The following CEP250 variants were observed in gnomAD, a reference collection of about 807,000 sequenced individuals.
CEP250 encodes centrosomal protein 250, also known as centrosome-associated protein CEP250.
Under a neutral mutation model 315.7 loss-of-function variants are expected in CEP250, and 242 were observed. That is an observed-to-expected ratio of 0.77 (90% confidence interval 0.69 to 0.85). The LOEUF (loss-of-function observed/expected upper bound fraction) is 0.85, where lower values mean the gene tolerates loss of function less well. CEP250 is among the 40% of genes least tolerant of loss of function. CEP250 has a pLI of 0.00. For missense variants in CEP250, 2,515 were observed against 2,886.4 expected, an observed-to-expected ratio of 0.87 and a Z score of 2.95; for synonymous variants, 1,088 against 1,175.0, an observed-to-expected ratio of 0.93 and a Z score of 1.51.
At position 35,513,522 on chromosome 20, in the gene CEP250, T is replaced by C. The variant is rs554712579; in HGVS notation, c.*1896T>C. The C allele has an allele frequency of 1.3e-5, 2 of 152,282 alleles. No homozygotes were observed. Among genetic ancestry groups the C allele is most frequent in the South Asian group, 2.1e-4 (1 of 4,824 alleles). The allele number at this position is 152,282 out of a possible 1,614,324, so 9.4% of individuals were successfully genotyped here. A position where few individuals can be genotyped will look rare whatever the true frequency, so the allele number is the denominator to read the frequency against. Reference sequence around the variant, plus strand: ...ATCCACCCACCTCGGCCTCCCAAAATGTTGGGATTACGGGCATGAGCCACC... The same window carrying C: ...ATCCACCCACCTCGGCCTCCCAAAACGTTGGGATTACGGGCATGAGCCACC... On this transcript the variant is annotated 3_prime_UTR_variant, in exon 35 of 35. Coordinates refer to ENST00000397527, the MANE Select transcript of CEP250 (RefSeq NM_007186.6).
rs61729985 is a variant in CEP250 at position 35,504,727 on chromosome 20, A to G, written c.6358A>G (p.Asn2120Asp). The change falls in exon 30 of 35, where the codon AAC becomes GAC. Residue 2120 changes from asparagine to aspartate, a missense_variant. Asn to Asp is a conservative substitution (Grantham distance 23, BLOSUM62 1). Coordinates refer to ENST00000397527, the MANE Select transcript of CEP250 (RefSeq NM_007186.6). ...ILELRETQQRNNLEALPHSHK... is the reference protein window; with the variant it reads ...ILELRETQQRDNLEALPHSHK... ...GGAGCTGAGGGAGACCCAGCAAAGG[A>G]ACAACCTGGAAGCCTTACCCCACAG... 1,472 of 1,614,212 alleles carry G rather than the reference A, an allele frequency of 9.1e-4. 4 individuals carry two copies. In the African/African-American group the frequency reaches 0.018, roughly 20 times the overall value.
chr20:35,510,666 T>C (rs1568850518), intron 34 of CEP250, among the ~76,000 whole-genome samples: 1 of 152,248 alleles, frequency 6.6e-6, no homozygotes, highest in Non-Finnish European at 1.5e-5. Flanking sequence ...GCTATTACTT[T>C]GAATTCTATT....
chr20:35,459,906 C>T (rs1179113456), intron 2 of CEP250, 77 bp from the exon 3 acceptor site: 1 of 152,108 alleles, frequency 6.6e-6, no homozygotes, highest in Non-Finnish European at 1.5e-5. Context: ...TGCAAAAGCC[C>T]GGCTCAGCCC....
chr20:35,513,648 C>G lies in CEP250; in HGVS notation c.*2022C>G, dbSNP rs78282190. Reference sequence around the variant, plus strand: ...ATCCTCCAGCCCTGGTTCTCAGGCTCGGGCTGACAGAGGGTCCCTGTTTTT... The same window carrying G: ...ATCCTCCAGCCCTGGTTCTCAGGCTGGGGCTGACAGAGGGTCCCTGTTTTT... On this transcript the variant is annotated 3_prime_UTR_variant, in exon 35 of 35. Transcript: ENST00000397527. 6.6e-6 allele frequency: 1 copy of G among 152,210 alleles called. No individual in the cohort carries two copies. Among genetic ancestry groups the G allele is most frequent in the Non-Finnish European group, 1.5e-5 (1 of 68,050 alleles). The allele number at this position is 152,210 out of a possible 1,614,324, so 9.4% of individuals were successfully genotyped here.
chr20:35,467,833 C>G, intron 9 of CEP250, among the ~76,000 whole-genome samples: 1 of 152,162 alleles, frequency 6.6e-6, no homozygotes. Context: ...ATTCCCAGAA[C>G]AGCCAAGCTC....
At position 35,504,946 on chromosome 20, in the gene CEP250, G is replaced by T; in HGVS notation, c.6577G>T (p.Val2193Leu). Residue 2193 changes from valine (V) to leucine (L), a missense_variant, in exon 30 of 35, where the codon GTA becomes TTA. Coordinates refer to ENST00000397527, the MANE Select transcript of CEP250 (RefSeq NM_007186.6). ...GGCCAGTGTCAGCAGTCTGCAGGAG[G>T]TAGCCATGTTCCTACAAGCCTCTGT... is the stretch of plus-strand genomic sequence containing the variant. Reference protein sequence around the residue: ...TKASVSSLQEVAMFLQASVLE... With the variant: ...TKASVSSLQELAMFLQASVLE... The T allele has an allele frequency of 6.2e-7, 1 of 1,614,020 alleles. No homozygotes were observed.
chr20:35,480,678 C>T (rs1337472815), intron 20 of CEP250, among the ~76,000 whole-genome samples: 1 of 150,884 alleles, frequency 6.6e-6, no homozygotes, highest in East Asian at 1.9e-4. Context: ...CTGCAACCTC[C>T]GCCTCCTGGG....
At chr20:35,467,227 A>G in intron 8 of CEP250, 77 bp from the exon 9 acceptor site, 1 of 1,535,330 alleles carries the variant, frequency 6.5e-7, no homozygotes, top group Non-Finnish European at 8.9e-7. Flanking sequence ...CCTGCTCCTC[A>G]GGCTTCACTG....
intron 2 of CEP250, among the ~76,000 whole-genome samples, chr20:35,459,099 G>A (rs1289152917): frequency 6.7e-6 from 1 of 148,834 alleles, no homozygotes; most frequent in Non-Finnish European, 1.5e-5. Context: ...CCAAAGTGCT[G>A]GGATTACAGG....
intron 11 of CEP250, 47 bp downstream of exon 11, chr20:35,472,198 C>T (rs1453288968): frequency 1.5e-5 from 16 of 1,089,390 alleles, no homozygotes; most frequent in Non-Finnish European, 2.1e-5. Flanking sequence ...TGCCTCCACT[C>T]CCCAGGTCTC....
At position 35,517,090 on chromosome 20, in the gene CEP250, T is replaced by C; in HGVS notation, c.*5464T>C. On this transcript the variant is annotated 3_prime_UTR_variant, in exon 35 of 35. Transcript: ENST00000397527. The stretch of plus-strand genomic sequence containing the variant: ...CCCCTCTCCTGTTGGCCTCCATCCC[T>C]TCCTCAACCGTCCGCAGAACACCTC... 1.1e-6 allele frequency: 1 copy of C among 913,918 alleles called. No homozygotes were observed. The highest frequency in any genetic ancestry group is 1.3e-6 in the Non-Finnish European group (1 of 764,618). 56.6% of individuals were successfully genotyped at this position (913,918 alleles called of 1,614,324 possible).
At position 35,475,551 on chromosome 20, in the gene CEP250, G is replaced by A; in HGVS notation, c.1621G>A (p.Glu541Lys). The A allele has an allele frequency of 1.9e-6, 3 of 1,614,170 alleles. No individual in the cohort carries two copies. Among genetic ancestry groups the A allele is most frequent in the Non-Finnish European group, 2.5e-6 (3 of 1,180,026 alleles). The change falls in exon 15 of 35, where the codon GAA becomes AAA. Residue 541 changes from glutamate (E) to lysine (K), a missense_variant. By Grantham distance (56) the Glu-to-Lys change is moderately conservative. Coordinates refer to ENST00000397527, the MANE Select transcript of CEP250 (RefSeq NM_007186.6). ...AGCCAAACAGTCAGAATCACTCAGT[G>A]AACTGATCACTCTTCGGGAAGCCCT... Reference protein sequence around the residue: ...LEAKQSESLSELITLREALES... With the variant: ...LEAKQSESLSKLITLREALES...
At position 35,507,828 on chromosome 20, in the gene CEP250, G is replaced by T; in HGVS notation, c.6727G>T (p.Glu2243Ter). 6.3e-7 allele frequency: 1 copy of T among 1,594,374 alleles called. No homozygotes were observed. Among genetic ancestry groups the T allele is most frequent in the Non-Finnish European group, 8.5e-7 (1 of 1,170,554 alleles). Reference protein sequence around the residue: ...TSTAELGSRGEQGVQLGEVSG... With the variant: ...TSTAELGSRG ...CACAGCAGAACTGGGGTCCAGAGGG[G>T]AGCAGGGTGTGCAGCTGGGAGAGGT... is the stretch of plus-strand genomic sequence containing the variant. The change falls in exon 31 of 35, where the codon GAG (glutamate) becomes TAG (stop). Residue 2243 changes from glutamate to a stop codon, truncating the protein, a stop_gained. Transcript: ENST00000397527. LOFTEE classifies it high-confidence loss of function.
Position 35,494,624 on chromosome 20 carries a change from G to A in CEP250, c.3134G>A (p.Arg1045Gln), listed in dbSNP as rs763406705. 19 of 1,614,104 alleles carry A rather than the reference G, an allele frequency of 1.2e-5. No homozygotes were observed. The highest frequency in any genetic ancestry group is 1.7e-4 in the Middle Eastern group (1 of 6,050). Residue 1045 changes from arginine to glutamine, a missense_variant, in exon 24 of 35, where the codon CGA becomes CAA. Arg to Gln is a conservative substitution (Grantham distance 43). Coordinates refer to ENST00000397527, the MANE Select transcript of CEP250 (RefSeq NM_007186.6). ...CTGAGAGAGACCCAGGAGTATAACC[G>A]AATTCAGAAGGAGCTGGAGAGAGAG... ...EKLRETQEYN[R>Q]IQKELEREKA...
intron 3 of CEP250, among the ~76,000 whole-genome samples, chr20:35,461,901 C>T (rs1217403460): frequency 6.6e-6 from 1 of 151,984 alleles, no homozygotes; most frequent in East Asian, 1.9e-4. Context: ...CCTTTGTTTT[C>T]TCATATTATC....
rs1023315427 is a variant in CEP250, at chr20:35,472,702, C to T, written c.1080C>T (p.Ala360=). ...TGGTGGAAGAAGGGGACAATATAGC[C>T]CAAGGCTCTGGTCATGAGAACTCTT... The part of the protein sequence containing the change: ...QVMVEEGDNI[A]QGSGHENSLE... The change falls in exon 12 of 35, where the codon GCC becomes GCT. Residue 360 remains alanine, a synonymous_variant. Transcript: ENST00000397527. The T allele has an allele frequency of 1.9e-6, 3 of 1,614,056 alleles. No homozygotes were observed. The highest frequency in any genetic ancestry group is 2.7e-5 in the African/African-American group (2 of 75,002).
rs1480576003 is a variant in CEP250 at position 35,502,903 on chromosome 20, G to A, written c.4534G>A (p.Glu1512Lys). ...KLTVQREQIR[E>K]LEKDRETQRN... ...GACTGTGCAGAGGGAGCAGATCAGAGAGCTCGAGAAGGATCGGGAGACTCA... is the reference window on the plus strand; with the variant it reads ...GACTGTGCAGAGGGAGCAGATCAGAAAGCTCGAGAAGGATCGGGAGACTCA... The change falls in exon 30 of 35, where the codon GAG becomes AAG. Residue 1512 changes from glutamate to lysine, a missense_variant. Glu to Lys is a moderately conservative substitution (Grantham distance 56). Transcript: ENST00000397527. 1 of 1,614,236 alleles carries A rather than the reference G, an allele frequency of 6.2e-7. No homozygotes were observed. Among genetic ancestry groups the A allele is most frequent in the South Asian group, 1.1e-5 (1 of 91,082 alleles).
intron 33 of CEP250, 75 bp from the exon 34 acceptor site, chr20:35,509,923 G>T: frequency 7.4e-7 from 1 of 1,343,026 alleles, no homozygotes; most frequent in Non-Finnish European, 1.1e-6. Context: ...TTGTGATGAG[G>T]TTCTGCAAGG....
In CEP250 at chr20:35,466,087, A is replaced by G; in HGVS notation, c.375A>G (p.Glu125=). ...EVNTQLRLHM[E]KADVVNKALR... is the part of the protein sequence containing the mutation. ...ACACCCAGCTTCGACTGCACATGGA[A>G]AAAGCTGACGTGGTGAATAAAGCCC... Residue 125 remains glutamate, a synonymous_variant, in exon 7 of 35, where the codon GAA becomes GAG. Transcript: ENST00000397527. 1 of 1,614,220 alleles carries G rather than the reference A, an allele frequency of 6.2e-7. No individual in the cohort carries two copies. Among genetic ancestry groups the G allele is most frequent in the Non-Finnish European group, 8.5e-7 (1 of 1,180,034 alleles).
Sources: gnomAD v4.1 joint callset for allele counts (sites outside exome capture counted in the v4.1 genomes callset) on GRCh38, gnomAD v4.1.1 for gene constraint, MANE v1.5 for transcripts, NCBI Gene and HGNC (gene_info 2026-07-23, HGNC 2026-07-21) for gene names.